Variants in ARPP21 observed in about 807,000 individuals in gnomAD.
The protein encoded by ARPP21 is cAMP-regulated phosphoprotein 21.
Under a neutral mutation model 113.2 loss-of-function variants are expected in ARPP21, and 69 were observed. That is an observed-to-expected ratio of 0.61 (90% CI 0.50 to 0.74). The LOEUF (loss-of-function observed/expected upper bound fraction) is 0.74, where lower values mean the gene tolerates loss of function less well. Among genes scored for constraint, ARPP21 ranks in the 30% least tolerant of loss-of-function variants. The pLI, the probability that ARPP21 is intolerant of heterozygous loss-of-function variation, is 0.00. For missense variants in ARPP21, 1,070 were observed against 1,037.4 expected, an observed-to-expected ratio of 1.03 and a Z score of -0.43; for synonymous variants, 368 against 375.5, an observed-to-expected ratio of 0.98 and a Z score of 0.23.
chr3:35,764,360 G>A (rs947569686), intron 19 of ARPP21, among the ~76,000 whole-genome samples: 1 of 152,138 alleles, frequency 6.6e-6, no homozygotes, highest in African/African-American at 2.4e-5. Context: ...GATTTCAAAT[G>A]CTGACAGCTT....
intron 9 of ARPP21, among the ~76,000 whole-genome samples, chr3:35,704,304 A>T (rs1015833235): frequency 1.3e-5 from 2 of 151,858 alleles, no homozygotes; most frequent in African/African-American, 4.8e-5. Context: ...AAGCCTTATG[A>T]TTACATTTTA....
intron 9 of ARPP21, among the ~76,000 whole-genome samples, chr3:35,703,288 C>A (rs1019137567): frequency 6.6e-6 from 1 of 151,788 alleles, no homozygotes; most frequent in Non-Finnish European, 1.5e-5. Flanking sequence ...GGGGAAAAAA[C>A]TAAAACTGGG....
chr3:35,748,391 A>G (rs2095264625), intron 19 of ARPP21, among the ~76,000 whole-genome samples: 1 of 150,724 alleles, frequency 6.6e-6, no homozygotes, highest in East Asian at 2.0e-4. Context: ...AAAGAAAAAG[A>G]AAAGAAAGGG....
intron 1 of ARPP21, among the ~76,000 whole-genome samples, chr3:35,659,161 T>A (rs1162235006): frequency 6.6e-6 from 1 of 152,172 alleles, no homozygotes; most frequent in Non-Finnish European, 1.5e-5. Context: ...ATGTCATCTA[T>A]TCTTGCAACA....
chr3:35,712,514 C>CTGTGTGTGTG lies in ARPP21; in HGVS notation c.898-2886_898-2877dup, dbSNP rs10579469. 2.2e-3 allele frequency among the ~76,000 whole-genome samples: 292 copies of CTGTGTGTGTG among 132,916 alleles called. 1 individual carries two copies. Among genetic ancestry groups the CTGTGTGTGTG allele is most frequent in the Admixed American group, 3.8e-3 (50 of 13,128 alleles). The allele number at this position is 132,916 out of a possible 152,430, so 87.2% of individuals were successfully genotyped here. ...AAATATATCTTGGTGTCTAAGGTGT[C>CTGTGTGTGTG]TGTGTGTGTGTGTGTGTGTGTGTGT... On this transcript the variant is annotated intron_variant, in intron 11 of 20. Transcript: ENST00000684406.
chr3:35,747,258 G>A (rs2095117451), intron 19 of ARPP21, among the ~76,000 whole-genome samples: 1 of 151,390 alleles, frequency 6.6e-6, no homozygotes, highest in Non-Finnish European at 1.5e-5. Flanking sequence ...GGGAGGCTGA[G>A]GCAGGAGAAT....
In ARPP21 at chr3:35,788,708, A is replaced by G. The variant is rs575262582; in HGVS notation, c.2138-3674A>G. ...AAATAATATCAGTCACAACCATGCC[A>G]ATCTACAATCCCTAATCAATTTACA... On this transcript the variant is annotated intron_variant, in intron 19 of 20. Transcript: ENST00000684406. Among the ~76,000 whole-genome samples the G allele has an allele frequency of 7.9e-5, 12 of 152,346 alleles. No individual in the cohort carries two copies. In the South Asian group the frequency reaches 1.7e-3, roughly 21 times the overall value.
At chr3:35,655,822 G>T (rs1315208501) in intron 1 of ARPP21, among the ~76,000 whole-genome samples, 2 of 152,008 alleles carry the variant, frequency 1.3e-5, no homozygotes, top group Non-Finnish European at 2.9e-5. Context: ...ATATACATGA[G>T]AATCACCTGA....
intron 1 of ARPP21, among the ~76,000 whole-genome samples, chr3:35,669,538 TTA>T (rs1164619289): frequency 6.6e-6 from 1 of 152,178 alleles, no homozygotes; most frequent in Non-Finnish European, 1.5e-5. Context: ...CCACACTTTC[TTA>T]TGTTTCCGTT....
chr3:35,783,563 T>A (rs1205745419), intron 19 of ARPP21, among the ~76,000 whole-genome samples: 1 of 152,178 alleles, frequency 6.6e-6, no homozygotes, highest in Non-Finnish European at 1.5e-5. Context: ...GTCTTCATCA[T>A]CTCTGCCCTG....
intron 3 of ARPP21, 117 bp from the exon 4 acceptor site, chr3:35,682,731 C>A: frequency 2.3e-6 from 2 of 853,058 alleles, no homozygotes; most frequent in Non-Finnish European, 1.8e-6. Context: ...GACTTCTCTA[C>A]TGTAGCCGGT....
At chr3:35,727,964 G>C (rs1051110355) in intron 14 of ARPP21, among the ~76,000 whole-genome samples, 4 of 152,036 alleles carry the variant, frequency 2.6e-5, no homozygotes, top group Admixed American at 1.3e-4. Flanking sequence ...CACTGTTCCT[G>C]TTACCTGTGT....
intron 19 of ARPP21, among the ~76,000 whole-genome samples, chr3:35,750,476 C>T (rs1176823879): frequency 2.6e-5 from 4 of 152,024 alleles, no homozygotes; most frequent in African/African-American, 7.2e-5. Flanking sequence ...GGTGGTTTTA[C>T]GACCCAGGAA....
At chr3:35,792,096 T>G in intron 19 of ARPP21, 2 of 273,842 alleles carry the variant, frequency 7.3e-6, no homozygotes, top group South Asian at 8.8e-5. Flanking sequence ...ATCAATAGAG[T>G]CTTCTGTTTT....
At chr3:35,639,407 C>A (rs2148816082), upstream of ARPP21, among the ~76,000 whole-genome samples, 1 of 152,108 alleles carries the variant, frequency 6.6e-6, no homozygotes, top group African/African-American at 2.4e-5. The surrounding 1 kb of genome is among the most constrained non-coding windows in gnomAD (Gnocchi z 5.0). Context: ...ACGTGCAACA[C>A]GCGCGTTGCC....
chr3:35,701,468 C>G (rs1234514518), intron 9 of ARPP21, among the ~76,000 whole-genome samples: 1 of 151,566 alleles, frequency 6.6e-6, no homozygotes, highest in Non-Finnish European at 1.5e-5. Context: ...GGTGCTGTCG[C>G]CAACACCATG....
chr3:35,710,509 T>C (rs953921210), intron 11 of ARPP21, among the ~76,000 whole-genome samples: 1 of 150,300 alleles, frequency 6.7e-6, no homozygotes, highest in African/African-American at 2.5e-5. Context: ...TTTTTTGTTC[T>C]TATTCTCTCT....
intron 19 of ARPP21, among the ~76,000 whole-genome samples, chr3:35,772,826 T>C (rs1231665425): frequency 1.3e-5 from 2 of 152,216 alleles, no homozygotes; most frequent in Non-Finnish European, 2.9e-5. Context: ...CCTGGGTTGA[T>C]GCATTGATGT....
At chr3:35,739,784 T>A (rs181745065) in intron 18 of ARPP21, among the ~76,000 whole-genome samples, 8 of 152,260 alleles carry the variant, frequency 5.3e-5, no homozygotes, top group Non-Finnish European at 1.0e-4. Flanking sequence ...ATGAAACTGA[T>A]CCAACTGCCC....
Sources: allele counts gnomAD v4.1 joint callset (sites outside exome capture counted in the v4.1 genomes callset), GRCh38; gene constraint gnomAD v4.1.1; non-coding constraint Gnocchi (gnomAD v3.1); transcripts MANE v1.5; gene names NCBI Gene and HGNC (gene_info 2026-07-23, HGNC 2026-07-21).